The following RGS9 variants were observed in gnomAD, a reference collection of about 807,000 sequenced individuals.
RGS9 encodes regulator of G-protein signalling 9.
Under a neutral mutation model 102.0 loss-of-function variants are expected in RGS9, and 78 were observed. The observed-to-expected ratio is 0.76, with a 90% CI of 0.64 to 0.92. The LOEUF is 0.92. RGS9 is among the 40% of genes least tolerant of loss of function. The pLI is 0.00. For synonymous variants in RGS9, 353 were observed against 318.6 expected (o/e 1.11, Z -1.15); for missense variants, 833 against 866.1 (o/e 0.96, Z 0.48).
At chr17:65,212,277 T>A (rs544140752) in intron 17 of RGS9, among the ~76,000 whole-genome samples, 2 of 152,332 alleles carry the variant, frequency 1.3e-5, no homozygotes, top group African/African-American at 4.8e-5. Context: ...AAAGTCTCGT[T>A]GCAAAAGACA....
intron 1 of RGS9, among the ~76,000 whole-genome samples, chr17:65,151,399 G>A (rs1396036603): frequency 2.7e-5 from 4 of 150,330 alleles, no homozygotes; most frequent in Admixed American, 2.6e-4. Context: ...ATTTTTTCAA[G>A]TGGGAAATAA....
chr17:65,225,581 A>AT (rs1167616819), intron 18 of RGS9, 95 bp downstream of exon 18: 1 of 1,572,592 alleles, frequency 6.4e-7, no homozygotes, highest in African/African-American at 1.3e-5. Context: ...GGGGACTGGG[A>AT]TGGGTGAGAA....
At chr17:65,166,241 A>G (rs1911175200) in intron 7 of RGS9, among the ~76,000 whole-genome samples, 1 of 152,238 alleles carries the variant, frequency 6.6e-6, no homozygotes, top group South Asian at 2.1e-4. Flanking sequence ...GGTAGAAACC[A>G]TCACAAAATC....
chr17:65,141,999 G>C lies in RGS9; in HGVS notation c.57+4402G>C, dbSNP rs576894888. On this transcript the variant is annotated intron_variant, in intron 1 of 18. Transcript: ENST00000262406. ...CTGCTGGGTGCAGTGGCACATGCCT[G>C]TAATCCCAGTACTTTGGGAGGCTGA... 9.8e-5 allele frequency among the ~76,000 whole-genome samples: 15 copies of C among 152,338 alleles called. 1 individual carries two copies. In the South Asian group the frequency reaches 1.2e-3, roughly 13 times the overall value.
intron 11 of RGS9, among the ~76,000 whole-genome samples, chr17:65,191,147 C>T (rs901418383): frequency 1.4e-4 from 21 of 152,294 alleles, no homozygotes; most frequent in African/African-American, 4.8e-4. Context: ...CACCTGTGTA[C>T]TCAGGGGCAT....
chr17:65,212,531 T>C (rs1330617244), intron 17 of RGS9, among the ~76,000 whole-genome samples: 2 of 152,034 alleles, frequency 1.3e-5, no homozygotes, highest in African/African-American at 4.8e-5. Context: ...AGCTGGGAAG[T>C]AGCTCAGAGT....
At chr17:65,204,359 C>T in intron 15 of RGS9, 58 bp downstream of exon 15, 1 of 1,590,314 alleles carries the variant, frequency 6.3e-7, no homozygotes, top group South Asian at 1.1e-5. Flanking sequence ...CACTAAGTAC[C>T]CGGAAAATTC....
At chr17:65,154,658 T>G (rs1284364582) in intron 2 of RGS9, among the ~76,000 whole-genome samples, 1 of 152,138 alleles carries the variant, frequency 6.6e-6, no homozygotes, top group Non-Finnish European at 1.5e-5. Flanking sequence ...GGGGGTGAGG[T>G]GCCTACAGAG....
chr17:65,158,200 C>A, intron 2 of RGS9, 95 bp from the exon 3 acceptor site: 2 of 1,155,938 alleles, frequency 1.7e-6, no homozygotes, highest in African/African-American at 1.5e-5. Flanking sequence ...GAAATCGCAG[C>A]TGAACGGGAA....
At chr17:65,223,684 T>C (rs192457060) in intron 17 of RGS9, among the ~76,000 whole-genome samples, 2 of 151,918 alleles carry the variant, frequency 1.3e-5, no homozygotes, top group East Asian at 3.9e-4. Context: ...CCTTTTGTGC[T>C]CTGACTGTCC....
chr17:65,149,750 T>C (rs1457030707), intron 1 of RGS9, among the ~76,000 whole-genome samples: 5 of 152,234 alleles, frequency 3.3e-5, no homozygotes. Context: ...TAAGGGATTA[T>C]AAAGTCACAA....
At position 65,148,432 on chromosome 17, in the gene RGS9, G is replaced by A. The variant is rs144075312; in HGVS notation, c.58-4990G>A. Among the ~76,000 whole-genome samples, 262 of 152,330 alleles carry A rather than the reference G, an allele frequency of 1.7e-3. 1 individual carries two copies. Among genetic ancestry groups the A allele is most frequent in the Non-Finnish European group, 3.2e-3 (216 of 68,032 alleles). On this transcript the variant is annotated intron_variant, in intron 1 of 18. Coordinates refer to ENST00000262406, the MANE Select transcript of RGS9 (RefSeq NM_003835.4). ...TTCAATTCTTTTGGGTACATACCCA[G>A]AAGTGGTATTGTTGGATGCTGTGGT... is the stretch of plus-strand genomic sequence containing the variant.
At chr17:65,199,137 A>G (rs974726942) in intron 13 of RGS9, among the ~76,000 whole-genome samples, 11 of 152,258 alleles carry the variant, frequency 7.2e-5, no homozygotes, top group African/African-American at 2.4e-4. Flanking sequence ...CTTTTTAAAA[A>G]GATTTTTAAA....
intron 9 of RGS9, among the ~76,000 whole-genome samples, chr17:65,180,928 G>A (rs1341385165): frequency 5.3e-5 from 8 of 152,096 alleles, no homozygotes; most frequent in African/African-American, 1.2e-4. Context: ...GCGTTAGTTC[G>A]CTTAAGACAA....
chr17:65,156,129 T>A (rs1359630896), intron 2 of RGS9, among the ~76,000 whole-genome samples: 1 of 152,206 alleles, frequency 6.6e-6, no homozygotes, highest in Non-Finnish European at 1.5e-5. Flanking sequence ...GTTCAAGCGA[T>A]TCTCATGCCT....
At chr17:65,169,637 T>C (rs1342140805) in intron 8 of RGS9, among the ~76,000 whole-genome samples, 2 of 152,252 alleles carry the variant, frequency 1.3e-5, no homozygotes, top group East Asian at 3.8e-4. Context: ...CGAATGCCTA[T>C]GTGACTACAT....
chr17:65,218,896 C>T (rs1457346544), intron 17 of RGS9, among the ~76,000 whole-genome samples: 1 of 152,206 alleles, frequency 6.6e-6, no homozygotes, highest in Non-Finnish European at 1.5e-5. Flanking sequence ...AGAGAGACAC[C>T]CTTGCGGCAT....
intron 7 of RGS9, among the ~76,000 whole-genome samples, chr17:65,165,046 C>T (rs1195997246): frequency 2.0e-5 from 3 of 152,148 alleles, no homozygotes; most frequent in Non-Finnish European, 4.4e-5. Context: ...TGATGGGTTC[C>T]AGCACTGGGC....
intron 9 of RGS9, among the ~76,000 whole-genome samples, chr17:65,187,050 G>C (rs1382700392): frequency 6.6e-6 from 1 of 152,232 alleles, no homozygotes; most frequent in African/African-American, 2.4e-5. Flanking sequence ...GGTTGGAAGA[G>C]AATGGGATCA....
Sources: allele counts gnomAD v4.1 joint callset (sites outside exome capture counted in the v4.1 genomes callset), GRCh38; gene constraint gnomAD v4.1.1; transcripts MANE v1.5; gene names NCBI Gene and HGNC (gene_info 2026-07-23, HGNC 2026-07-21).